Variants in ZFYVE9 observed in about 807,000 individuals in gnomAD.
The protein encoded by ZFYVE9 is zinc finger FYVE-type containing 9, also known as zinc finger FYVE domain-containing protein 9.
A neutral mutation model predicts 126.7 loss-of-function variants in ZFYVE9; 43 were observed. The observed-to-expected ratio is 0.34, with a 90% CI of 0.27 to 0.44. The LOEUF (loss-of-function observed/expected upper bound fraction) is 0.44. Ranked by LOEUF, ZFYVE9 falls within the 20% of genes least tolerant of loss-of-function variation. The pLI, the probability that ZFYVE9 is intolerant of heterozygous loss-of-function variation, is 1.00. For synonymous variants in ZFYVE9, 521 were observed against 597.4 expected (o/e 0.87, Z 1.87); for missense variants, 1,476 against 1,697.0 (o/e 0.87, Z 2.29).
chr1:52,228,053 CTT>C (rs1645185635), intron 2 of ZFYVE9, among the ~76,000 whole-genome samples: 2 of 151,972 alleles, frequency 1.3e-5, no homozygotes, highest in South Asian at 2.1e-4. Flanking sequence ...TGTTTAAACT[CTT>C]TTAAAATATT....
chr1:52,238,039 A>G lies in ZFYVE9; in HGVS notation c.622A>G (p.Asn208Asp), dbSNP rs781021724. The G allele has an allele frequency of 4.3e-6, 7 of 1,614,010 alleles. No individual in the cohort carries two copies. In the South Asian group the frequency reaches 7.7e-5, roughly 18 times the overall value. Residue 208 changes from asparagine to aspartate, a missense_variant, in exon 4 of 19, where the codon AAT (asparagine) becomes GAT (aspartate). Transcript: ENST00000287727. ...AAATGAGTCCACTGAAAAAGATATG[A>G]ATTCAGAGAAACAAATGGATCCATT... is the stretch of plus-strand genomic sequence containing the variant. ...SINESTEKDM[N>D]SEKQMDPLNR...
intron 1 of ZFYVE9, among the ~76,000 whole-genome samples, chr1:52,149,519 G>A (rs1030847117): frequency 1.3e-5 from 2 of 152,186 alleles, no homozygotes; most frequent in Non-Finnish European, 2.9e-5. Flanking sequence ...AGTCAGGCAT[G>A]ACAGATTTTA....
At chr1:52,323,895 C>CAAAAAAAAA (rs35308713) in intron 13 of ZFYVE9, among the ~76,000 whole-genome samples, 1 of 126,116 alleles carries the variant, frequency 7.9e-6, no homozygotes. Context: ...CTACTAAATA[C>CAAAAAAAAA]AAAAAAAAAA....
At chr1:52,293,409 T>G in intron 10 of ZFYVE9, 44 bp from the exon 11 acceptor site, 1 of 1,351,504 alleles carries the variant, frequency 7.4e-7, no homozygotes, top group Non-Finnish European at 1.0e-6. Flanking sequence ...GAAATATGAT[T>G]AATTTATTGA....
intron 7 of ZFYVE9, among the ~76,000 whole-genome samples, chr1:52,269,795 T>G (rs1443155267): frequency 1.4e-5 from 2 of 141,124 alleles, no homozygotes; most frequent in African/African-American, 5.3e-5. Flanking sequence ...TTTGTTTTGG[T>G]TTTTTTTTTT....
intron 4 of ZFYVE9, among the ~76,000 whole-genome samples, chr1:52,247,624 G>T (rs1231772657): frequency 6.6e-6 from 1 of 152,062 alleles, no homozygotes. Context: ...AGCCTCCCGA[G>T]TAGTTGGGAT....
At chr1:52,322,269 G>A (rs1312240625) in intron 13 of ZFYVE9, among the ~76,000 whole-genome samples, 2 of 152,024 alleles carry the variant, frequency 1.3e-5, no homozygotes, top group Non-Finnish European at 2.9e-5. Flanking sequence ...TCTCAATCCT[G>A]GGACCAGTCT....
Position 52,252,667 on chromosome 1 carries a change from G to A in ZFYVE9, c.2179-11106G>A, listed in dbSNP as rs144449166. On this transcript the variant is annotated intron_variant, in intron 4 of 18. Coordinates refer to ENST00000287727, the MANE Select transcript of ZFYVE9 (RefSeq NM_004799.4). Reference sequence around the variant, plus strand: ...GCCACCACGCCTGGCCGAAAAATTTGTTTTACTTGAGGTTCCACATGCCTT... The same window carrying A: ...GCCACCACGCCTGGCCGAAAAATTTATTTTACTTGAGGTTCCACATGCCTT... 5.7e-3 allele frequency: 1,910 copies of A among 337,564 alleles called. 8 individuals carry two copies. The highest frequency in any genetic ancestry group is 0.01 in the Middle Eastern group (9 of 884). 20.9% of individuals were successfully genotyped at this position (337,564 alleles called of 1,614,324 possible).
chr1:52,302,097 G>A (rs1007290172), intron 12 of ZFYVE9, among the ~76,000 whole-genome samples: 1 of 152,084 alleles, frequency 6.6e-6, no homozygotes, highest in Non-Finnish European at 1.5e-5. Context: ...AATGCCTTTA[G>A]TAATTCTAAC....
chr1:52,274,377 C>CT, intron 7 of ZFYVE9, 87 bp from the exon 8 acceptor site: 1 of 1,422,688 alleles, frequency 7.0e-7, no homozygotes, highest in Non-Finnish European at 9.4e-7. Flanking sequence ...CAGATTTTCA[C>CT]TTAAGTTCCC....
intron 13 of ZFYVE9, among the ~76,000 whole-genome samples, chr1:52,324,272 CAA>C (rs916003351): frequency 2.9e-4 from 33 of 112,688 alleles, no homozygotes; most frequent in African/African-American, 1.0e-3. Flanking sequence ...CACACACACA[CAA>C]AAACAAAAAC....
chr1:52,165,470 A>ATG (rs1176163075), intron 1 of ZFYVE9, among the ~76,000 whole-genome samples: 2 of 152,186 alleles, frequency 1.3e-5, no homozygotes, highest in Non-Finnish European at 2.9e-5. Flanking sequence ...GTATACATGC[A>ATG]TGTGTGTGTA....
chr1:52,157,091 G>C (rs576983638), intron 1 of ZFYVE9, among the ~76,000 whole-genome samples: 79 of 152,074 alleles, frequency 5.2e-4, no homozygotes, highest in Non-Finnish European at 9.6e-4. Flanking sequence ...CTCGGCCTCC[G>C]AAAGTGCTGG....
At chr1:52,195,278 T>C (rs1388582416) in intron 1 of ZFYVE9, among the ~76,000 whole-genome samples, 2 of 152,222 alleles carry the variant, frequency 1.3e-5, no homozygotes, top group African/African-American at 4.8e-5. Flanking sequence ...AGGAGGAATG[T>C]TGTTTCCAAA....
intron 12 of ZFYVE9, among the ~76,000 whole-genome samples, chr1:52,302,389 T>C (rs1646043680): frequency 6.6e-6 from 1 of 152,234 alleles, no homozygotes; most frequent in East Asian, 1.9e-4. Context: ...GAATCATCTT[T>C]AACTTTTATC....
intron 1 of ZFYVE9, among the ~76,000 whole-genome samples, chr1:52,151,498 T>C (rs1644356038): frequency 6.6e-6 from 1 of 151,768 alleles, no homozygotes; most frequent in Admixed American, 6.6e-5. Context: ...TGTGTCTATG[T>C]GTGTGTGTAT....
chr1:52,324,796 C>T (rs1646275431), intron 13 of ZFYVE9, among the ~76,000 whole-genome samples: 1 of 152,060 alleles, frequency 6.6e-6, no homozygotes, highest in Non-Finnish European at 1.5e-5. Flanking sequence ...TGTCTAAAGC[C>T]TTTGTTAATC....
rs182366757 is a variant in ZFYVE9, at chr1:52,163,835, C to T, written c.-143+21432C>T. On this transcript the variant is annotated intron_variant, in intron 1 of 18. Transcript: ENST00000287727. ...TTATTAAAAAAAAAAAAGTTAAATACGATAAGACCAAGAATCAAGCTCTAG... is the reference window on the plus strand; with the variant it reads ...TTATTAAAAAAAAAAAAGTTAAATATGATAAGACCAAGAATCAAGCTCTAG... Among the ~76,000 whole-genome samples the T allele has an allele frequency of 1.5e-4, 23 of 151,996 alleles. No homozygotes were observed. In the East Asian group the frequency reaches 3.1e-3, roughly 20 times the overall value.
chr1:52,173,518 A>G (rs1260570227), intron 1 of ZFYVE9, among the ~76,000 whole-genome samples: 1 of 152,198 alleles, frequency 6.6e-6, no homozygotes, highest in African/African-American at 2.4e-5. Context: ...TGGCCTCATA[A>G]AATGAGTTAG....
Sources: gnomAD v4.1 joint callset for allele counts (sites outside exome capture counted in the v4.1 genomes callset) on GRCh38, gnomAD v4.1.1 for gene constraint, MANE v1.5 for transcripts, NCBI Gene and HGNC (gene_info 2026-07-23, HGNC 2026-07-21) for gene names.